Variants in NEDD9 observed in about 807,000 individuals in gnomAD.
NEDD9 encodes the protein neural precursor cell expressed, developmentally down-regulated 9.
In NEDD9, 26 loss-of-function variants were observed where a neutral mutation model predicts 76.6. The observed-to-expected ratio is 0.34, with a 90% CI of 0.25 to 0.47. The LOEUF (loss-of-function observed/expected upper bound fraction) is 0.47, where lower values mean the gene tolerates loss of function less well. Ranked by LOEUF, NEDD9 falls within the 20% of genes least tolerant of loss-of-function variation. The probability of loss-of-function intolerance (pLI) is 1.00; values close to 1 mark genes in which losing one functional copy is unlikely to be tolerated. For missense variants in NEDD9, 937 were observed against 1,058.5 expected, an observed-to-expected ratio of 0.89 and a Z score of 1.59; for synonymous variants, 392 against 414.2, an observed-to-expected ratio of 0.95 and a Z score of 0.65.
intron 1 of NEDD9, among the ~76,000 whole-genome samples, chr6:11,355,147 A>G (rs1762542694): frequency 6.6e-6 from 1 of 152,206 alleles, no homozygotes; most frequent in African/African-American, 2.4e-5. Flanking sequence ...TGCATATGGT[A>G]TGGTGGGTCT....
At chr6:11,363,229 C>T (rs1762708126) in intron 1 of NEDD9, among the ~76,000 whole-genome samples, 1 of 152,122 alleles carries the variant, frequency 6.6e-6, no homozygotes, top group Admixed American at 6.5e-5. Context: ...ACCAGAAAAC[C>T]TGGTGAAAGA....
intron 2 of NEDD9, among the ~76,000 whole-genome samples, chr6:11,315,379 T>C (rs1017468628): frequency 1.8e-4 from 28 of 152,248 alleles, no homozygotes; most frequent in Non-Finnish European, 1.2e-4. Context: ...AAAGACTGTG[T>C]TCTTCAGCCC....
At chr6:11,233,767 C>T (rs567113688), upstream of NEDD9, among the ~76,000 whole-genome samples, 20 of 152,272 alleles carry the variant, frequency 1.3e-4, no homozygotes, top group Admixed American at 9.8e-4. Context: ...AGCAGTGAGG[C>T]GAAAAATTCC....
chr6:11,269,868 C>T (rs1173562161), intron 3 of NEDD9, among the ~76,000 whole-genome samples: 1 of 152,154 alleles, frequency 6.6e-6, no homozygotes, highest in Non-Finnish European at 1.5e-5. Context: ...TGGCTCATGC[C>T]TGAATCCTAG....
intron 2 of NEDD9, among the ~76,000 whole-genome samples, chr6:11,317,490 C>T (rs72832919): frequency 0.021 from 3,218 of 151,588 alleles, 46 homozygotes; most frequent in South Asian, 0.034. Context: ...CCTAGAGGGC[C>T]GCACAGAGAA....
intron 1 of NEDD9, among the ~76,000 whole-genome samples, chr6:11,353,111 A>G (rs1176931712): frequency 6.6e-6 from 1 of 152,222 alleles, no homozygotes; most frequent in African/African-American, 2.4e-5. Context: ...ACATCCTCTG[A>G]GAACATCAGG....
At chr6:11,233,743 C>A (rs1189690699), upstream of NEDD9, among the ~76,000 whole-genome samples, 1 of 152,216 alleles carries the variant, frequency 6.6e-6, no homozygotes, top group East Asian at 1.9e-4. Flanking sequence ...TTCTGCAACT[C>A]TTCTCACGGA....
chr6:11,217,634 G>GA (rs373186933), intron 1 of NEDD9, among the ~76,000 whole-genome samples: 106 of 152,192 alleles, frequency 7.0e-4, no homozygotes, highest in African/African-American at 2.5e-3. Flanking sequence ...CTTTACAAAA[G>GA]AAAAAAATGA....
intron 1 of NEDD9, among the ~76,000 whole-genome samples, chr6:11,335,938 A>C (rs1762148865): frequency 1.3e-5 from 2 of 150,218 alleles, no homozygotes; most frequent in African/African-American, 5.0e-5. Context: ...CCTCAGGCTG[A>C]AGATAAGCTC....
At chr6:11,220,220 C>T (rs1028877661) in intron 1 of NEDD9, among the ~76,000 whole-genome samples, 1 of 152,112 alleles carries the variant, frequency 6.6e-6, no homozygotes, top group African/African-American at 2.4e-5. Context: ...TCCTGTGGCA[C>T]CCAGACTGCA....
At chr6:11,325,736 C>T (rs1030843845) in intron 2 of NEDD9, among the ~76,000 whole-genome samples, 1 of 152,108 alleles carries the variant, frequency 6.6e-6, no homozygotes, top group Non-Finnish European at 1.5e-5. Flanking sequence ...AAAAGGGCTC[C>T]TACATTTTCG....
chr6:11,351,373 G>C (rs544545215), intron 1 of NEDD9, among the ~76,000 whole-genome samples: 1 of 152,214 alleles, frequency 6.6e-6, no homozygotes, highest in Non-Finnish European at 1.5e-5. Context: ...GCTTCATGGA[G>C]CTGGGGCTTC....
At chr6:11,215,149 G>A (rs919661684) in intron 1 of NEDD9, among the ~76,000 whole-genome samples, 15 of 152,174 alleles carry the variant, frequency 9.9e-5, no homozygotes, top group African/African-American at 2.9e-4. Flanking sequence ...TAGTTGGGAC[G>A]GGTCCAGTTC....
At chr6:11,276,859 T>G (rs1444011429) in intron 3 of NEDD9, among the ~76,000 whole-genome samples, 1 of 152,096 alleles carries the variant, frequency 6.6e-6, no homozygotes, top group African/African-American at 2.4e-5. Context: ...TCAAAGGAAT[T>G]TGGAAGGAAC....
At position 11,315,222 on chromosome 6, in the gene NEDD9, G is replaced by A. The variant is rs113525449; in HGVS notation, c.-152-9067C>T. On this transcript the variant is annotated intron_variant, in intron 2 of 3. Transcript: ENST00000397378. ...GTGGAGCCCTACCAAGATTTTGCTT[G>A]ACAGTTAATGAGGGAGTCCTTCTAC... Among the ~76,000 whole-genome samples the A allele has an allele frequency of 6.1e-3, 926 of 152,330 alleles. 6 individuals are homozygous for A. Among genetic ancestry groups the A allele is most frequent in the South Asian group, 0.022 (107 of 4,830 alleles).
chr6:11,204,759 A>AGG (rs200356189), intron 2 of NEDD9, among the ~76,000 whole-genome samples: 2,882 of 151,450 alleles, frequency 0.019, 42 homozygotes, highest in South Asian at 0.043. Flanking sequence ...AGAAAAGAAA[A>AGG]GGAAAGAAAA....
At position 11,193,248 on chromosome 6, in the gene NEDD9, T is replaced by C. The variant is rs569473822; in HGVS notation, c.561+343A>G. 4.0e-5 allele frequency among the ~76,000 whole-genome samples: 6 copies of C among 150,868 alleles called. 1 individual carries two copies. The South Asian group carries it at 1.3e-3, about 32-fold the overall frequency. On this transcript the variant is annotated intron_variant, in intron 3 of 6. Transcript: ENST00000379446. The stretch of plus-strand genomic sequence containing the variant: ...GTTGCTTGAGCCTGGGAGGTGGAGG[T>C]TGCAGTGAGCTGAGATAGAGCCACT...
At chr6:11,375,265 C>A (rs1762953265) in intron 1 of NEDD9, among the ~76,000 whole-genome samples, 1 of 152,114 alleles carries the variant, frequency 6.6e-6, no homozygotes, top group Non-Finnish European at 1.5e-5. Flanking sequence ...ATCATGTTGA[C>A]CCTAGAGCAA....
chr6:11,287,064 T>G (rs535307291), intron 3 of NEDD9, among the ~76,000 whole-genome samples: 1 of 152,198 alleles, frequency 6.6e-6, no homozygotes, highest in East Asian at 1.9e-4. Context: ...AATTACAGAT[T>G]AAAATAATTT....
Sources: gnomAD v4.1 joint callset for allele counts (sites outside exome capture counted in the v4.1 genomes callset) on GRCh38, gnomAD v4.1.1 for gene constraint, MANE v1.5 for transcripts, NCBI Gene and HGNC (gene_info 2026-07-23, HGNC 2026-07-21) for gene names.